The following CORO7 variants were observed in gnomAD, a reference collection of about 807,000 sequenced individuals.
CORO7 encodes the protein coronin 7.
A neutral mutation model predicts 126.6 loss-of-function variants in CORO7; 107 were observed. The observed-to-expected ratio is 0.85, with a 90% CI of 0.72 to 0.99. CORO7 has a LOEUF of 0.99. CORO7 is among the 50% of genes least tolerant of loss of function. CORO7 has a pLI of 0.00. For missense variants in CORO7, 1,314 were observed against 1,255.8 expected (o/e 1.05, Z -0.70); for synonymous variants, 603 against 536.8 (o/e 1.12, Z -1.70).
At chr16:4,380,356 G>T (rs1228957888) in intron 9 of CORO7, among the ~76,000 whole-genome samples, 1 of 152,250 alleles carries the variant, frequency 6.6e-6, no homozygotes, top group African/African-American at 2.4e-5. Context: ...TAGTTTCCAT[G>T]TGAAGTCTTC....
In CORO7 at chr16:4,381,509, T is replaced by C. The variant is rs2054962194; in HGVS notation, c.785+6477A>G. The C allele has an allele frequency of 1.3e-6, 2 of 1,595,522 alleles. No homozygotes were observed. Among genetic ancestry groups the C allele is most frequent in the African/African-American group, 1.3e-5 (1 of 74,472 alleles). ...GGGCTGCAGCAGCTGGACGAGGGGC[T>C]CTTCAGCCGCTTGCGCAACCTCCAC... is the stretch of plus-strand genomic sequence containing the variant. On this transcript the variant is annotated intron_variant, in intron 9 of 27. Transcript: ENST00000251166.
intron 9 of CORO7, among the ~76,000 whole-genome samples, chr16:4,387,343 C>T (rs1483298295): frequency 1.3e-5 from 2 of 152,174 alleles, no homozygotes; most frequent in Non-Finnish European, 2.9e-5. Context: ...CCGCCAGGCA[C>T]TGCCAAAAGC....
In CORO7 at chr16:4,362,607, C is replaced by G. The variant is rs771402872; in HGVS notation, c.1402+5G>C. The G allele has an allele frequency of 1.2e-5, 18 of 1,554,552 alleles. No homozygotes were observed. In the East Asian group the frequency reaches 1.2e-4, roughly 11 times the overall value. Reference sequence around the variant, plus strand: ...AGGGGTGAGCTCCCCGTCCTGCCTCCTTACCCAGCAGGCTCTGCAGCGACC... The same window carrying G: ...AGGGGTGAGCTCCCCGTCCTGCCTCGTTACCCAGCAGGCTCTGCAGCGACC... On this transcript the variant is annotated splice_donor_5th_base_variant and intron_variant, in intron 15 of 27. Coordinates refer to ENST00000251166, the MANE Select transcript of CORO7 (RefSeq NM_024535.5). This position sits in a 1 kb window ranked among gnomAD's most constrained non-coding sequence, Gnocchi z 5.3.
intron 1 of CORO7, among the ~76,000 whole-genome samples, chr16:4,414,707 C>A (rs148781509): frequency 6.6e-6 from 1 of 152,282 alleles, no homozygotes; most frequent in Non-Finnish European, 1.5e-5. Context: ...TAGTTCCATG[C>A]CTATCTGTTT....
intron 6 of CORO7, among the ~76,000 whole-genome samples, chr16:4,404,395 G>A (rs1300548465): frequency 6.6e-6 from 1 of 152,174 alleles, no homozygotes; most frequent in Non-Finnish European, 1.5e-5. Flanking sequence ...CTCCAGCCTG[G>A]TCCTGGCTTT....
intron 6 of CORO7, among the ~76,000 whole-genome samples, chr16:4,401,408 T>G (rs2055802389): frequency 6.6e-6 from 1 of 152,182 alleles, no homozygotes; most frequent in African/African-American, 2.4e-5. Flanking sequence ...AGCAGGGCCC[T>G]GGTTTTATGC....
At chr16:4,390,840 C>T (rs1044630021) in intron 7 of CORO7, among the ~76,000 whole-genome samples, 1 of 152,176 alleles carries the variant, frequency 6.6e-6, no homozygotes, top group Admixed American at 6.5e-5. Context: ...TGCACAAAGT[C>T]GCAGCTAGGA....
chr16:4,373,341 G>T (rs2054601157), intron 9 of CORO7, among the ~76,000 whole-genome samples: 1 of 152,098 alleles, frequency 6.6e-6, no homozygotes, highest in Non-Finnish European at 1.5e-5. Flanking sequence ...CTGGGGGCCG[G>T]GCACTGCCTG....
chr16:4,390,045 G>A (rs1459551609), intron 7 of CORO7, among the ~76,000 whole-genome samples: 3 of 152,200 alleles, frequency 2.0e-5, no homozygotes, highest in Admixed American at 1.3e-4. Flanking sequence ...GAGATGACAT[G>A]GTGAATAAAA....
intron 9 of CORO7, among the ~76,000 whole-genome samples, chr16:4,378,835 G>A (rs2054846850): frequency 1.3e-5 from 2 of 152,040 alleles, no homozygotes; most frequent in African/African-American, 4.8e-5. Context: ...GGTTGGGGAG[G>A]CTTAGCCTGC....
At chr16:4,402,711 C>G (rs960347095) in intron 6 of CORO7, among the ~76,000 whole-genome samples, 1 of 152,196 alleles carries the variant, frequency 6.6e-6, no homozygotes, top group Non-Finnish European at 1.5e-5. Flanking sequence ...AGAGTGGGCA[C>G]TGAGGCTGCT....
chr16:4,369,531 C>T (rs897516897), intron 9 of CORO7, among the ~76,000 whole-genome samples: 1 of 152,234 alleles, frequency 6.6e-6, no homozygotes, highest in Non-Finnish European at 1.5e-5. Flanking sequence ...CGCCCCTCAG[C>T]CAGGTCCCAG....
At chr16:4,400,595 T>C (rs1209337341) in intron 6 of CORO7, among the ~76,000 whole-genome samples, 2 of 152,004 alleles carry the variant, frequency 1.3e-5, no homozygotes, top group East Asian at 1.9e-4. Flanking sequence ...ATCGTGCCAT[T>C]GCGCTCCAGC....
intron 9 of CORO7, among the ~76,000 whole-genome samples, chr16:4,375,290 G>C (rs1408510935): frequency 2.0e-5 from 3 of 152,192 alleles, no homozygotes; most frequent in Non-Finnish European, 2.9e-5. Flanking sequence ...AAGACCCTGT[G>C]CCTGCCCCTC....
chr16:4,411,645 T>C (rs2056213835), intron 3 of CORO7, among the ~76,000 whole-genome samples: 1 of 151,984 alleles, frequency 6.6e-6, no homozygotes, highest in South Asian at 2.1e-4. Context: ...TTAACCACCA[T>C]CATTATCATA....
rs751052411 is a variant in CORO7, at chr16:4,360,431, CCT to C, written c.2022+11_2022+12del. On this transcript the variant is annotated intron_variant, in intron 20 of 27. Coordinates refer to ENST00000251166, the MANE Select transcript of CORO7 (RefSeq NM_024535.5). ...CCAGGTCTGAGGCCACTCCCCAGCCCCTGTGTGCTCACCTGCAGGGGCTCAGG... is the reference window on the plus strand; with the variant it reads ...CCAGGTCTGAGGCCACTCCCCAGCCCGTGTGCTCACCTGCAGGGGCTCAGG... 12 of 1,612,944 alleles carry C rather than the reference CCT, an allele frequency of 7.4e-6. No homozygotes were observed. The highest frequency in any genetic ancestry group is 2.2e-5 in the South Asian group (2 of 91,054).
intron 5 of CORO7, 124 bp from the exon 6 acceptor site, chr16:4,405,691 A>G: frequency 8.8e-7 from 1 of 1,133,078 alleles, no homozygotes; most frequent in Non-Finnish European, 1.2e-6. Flanking sequence ...CTTTTCAGCC[A>G]AGGGGGCAAG....
chr16:4,362,542 G>A lies in CORO7; in HGVS notation c.1402+70C>T, dbSNP rs2141189769. The stretch of plus-strand genomic sequence containing the variant: ...CCTGTGCTCAGCAGTAGGGTACACA[G>A]GAGGATGACGGGGAGTGGGGCAGAC... On this transcript the variant is annotated intron_variant, in intron 15 of 27. Coordinates refer to ENST00000251166, the MANE Select transcript of CORO7 (RefSeq NM_024535.5). This position sits in a 1 kb window ranked among gnomAD's most constrained non-coding sequence, Gnocchi z 5.3. The A allele has an allele frequency of 2.0e-6, 3 of 1,485,336 alleles. No individual in the cohort carries two copies. Among genetic ancestry groups the A allele is most frequent in the Non-Finnish European group, 2.7e-6 (3 of 1,119,764 alleles). 92.0% of individuals were successfully genotyped at this position (1,485,336 alleles called of 1,614,324 possible).
intron 3 of CORO7, 102 bp downstream of exon 3, chr16:4,412,254 T>G: frequency 2.3e-6 from 3 of 1,318,564 alleles, no homozygotes; most frequent in Non-Finnish European, 3.2e-6. Flanking sequence ...AGGAGGGACC[T>G]GGCAAGCCAT....
Sources: gnomAD v4.1 joint callset for allele counts (sites outside exome capture counted in the v4.1 genomes callset) on GRCh38, gnomAD v4.1.1 for gene constraint, Gnocchi (gnomAD v3.1) non-coding constraint, MANE v1.5 for transcripts, NCBI Gene and HGNC (gene_info 2026-07-23, HGNC 2026-07-21) for gene names.